Variants in BACH2 observed in about 807,000 individuals in gnomAD.
BACH2 encodes the protein BACH transcriptional regulator 2, also known as transcription regulator protein BACH2.
BACH2 carries 5 observed loss-of-function variants against 61.8 expected under a neutral mutation model. The observed-to-expected ratio is 0.08, with a 90% CI of 0.04 to 0.17. BACH2 has a LOEUF of 0.17. Ranked by LOEUF, BACH2 falls within the 10% of genes least tolerant of loss-of-function variation. The pLI is 1.00. For synonymous variants in BACH2, 446 were observed against 440.1 expected, an observed-to-expected ratio of 1.01 and a Z score of -0.17; for missense variants, 824 against 1,091.1, an observed-to-expected ratio of 0.76 and a Z score of 3.45.
intron 6 of BACH2, among the ~76,000 whole-genome samples, chr6:89,988,480 C>A (rs927116552): frequency 6.6e-6 from 1 of 152,148 alleles, no homozygotes; most frequent in Non-Finnish European, 1.5e-5. Context: ...ATTCTATACA[C>A]CCTAAAATGG....
intron 4 of BACH2, among the ~76,000 whole-genome samples, chr6:90,138,662 A>G (rs1422551818): frequency 6.6e-6 from 1 of 152,168 alleles, no homozygotes; most frequent in Non-Finnish European, 1.5e-5. Flanking sequence ...ACTGAGGCGA[A>G]TTCATTAAAT....
chr6:90,295,330 C>T (rs1582576930), intron 1 of BACH2, among the ~76,000 whole-genome samples: 1 of 152,338 alleles, frequency 6.6e-6, no homozygotes, highest in East Asian at 1.9e-4. Flanking sequence ...GCCCGCGACC[C>T]CAGAAGCCAG....
At chr6:90,133,244 T>C (rs1784137757) in intron 4 of BACH2, among the ~76,000 whole-genome samples, 1 of 152,228 alleles carries the variant, frequency 6.6e-6, no homozygotes, top group African/African-American at 2.4e-5. Context: ...CTTATTTTTA[T>C]CTGTGTCCTA....
intron 6 of BACH2, among the ~76,000 whole-genome samples, chr6:89,962,153 T>G (rs1451857252): frequency 6.6e-6 from 1 of 152,152 alleles, no homozygotes; most frequent in Non-Finnish European, 1.5e-5. Flanking sequence ...TGAAAGATTT[T>G]GACCATAGCA....
chr6:90,167,472 C>T (rs1331833941), intron 4 of BACH2, among the ~76,000 whole-genome samples: 2 of 152,180 alleles, frequency 1.3e-5, no homozygotes, highest in African/African-American at 4.8e-5. Context: ...TCTCCTGCTT[C>T]AGCCTCTCAA....
rs535014348 is a variant in BACH2, at chr6:89,926,625, T to C, written c.*5783A>G. The C allele has an allele frequency of 1.3e-5, 2 of 152,868 alleles. No homozygotes were observed. The highest frequency in any genetic ancestry group is 6.5e-5 in the Admixed American group (1 of 15,300). 9.5% of individuals were successfully genotyped at this position (152,868 alleles called of 1,614,324 possible). A position where few individuals can be genotyped will look rare whatever the true frequency, so the allele number is the denominator to read the frequency against. Reference sequence around the variant, plus strand: ...ACTAGCAATTCAATTGAGTGAAAACTTTTTTTGCACAATAGTGTATTTACA... The same window carrying C: ...ACTAGCAATTCAATTGAGTGAAAACCTTTTTTGCACAATAGTGTATTTACA... On this transcript the variant is annotated 3_prime_UTR_variant, in exon 9 of 9. Coordinates refer to ENST00000257749, the MANE Select transcript of BACH2 (RefSeq NM_021813.4).
At chr6:89,974,747 T>C (rs986916626) in intron 6 of BACH2, among the ~76,000 whole-genome samples, 6 of 152,360 alleles carry the variant, frequency 3.9e-5, no homozygotes, top group Middle Eastern at 3.4e-3. Flanking sequence ...TAGAGGTATA[T>C]GGGCTCCAGC....
chr6:89,930,162 C>T lies in BACH2; in HGVS notation c.*2246G>A, dbSNP rs1191232374. On this transcript the variant is annotated 3_prime_UTR_variant, in exon 9 of 9. Transcript: ENST00000257749. ...ACACACACACACACACACACACACA[C>T]ACAAACAAGAAAAAACAAAAACCCA... 7.2e-6 allele frequency: 1 copy of T among 139,698 alleles called. No homozygotes were observed. The highest frequency in any genetic ancestry group is 1.6e-5 in the Non-Finnish European group (1 of 64,448). 8.7% of individuals were successfully genotyped at this position (139,698 alleles called of 1,614,324 possible).
At chr6:89,964,955 G>C (rs62408177) in intron 6 of BACH2, among the ~76,000 whole-genome samples, 590 of 151,978 alleles carry the variant, frequency 3.9e-3, no homozygotes, top group African/African-American at 0.013. Flanking sequence ...GCACAATCTC[G>C]GCTAACTGCA....
At chr6:89,975,586 C>T (rs186125663) in intron 6 of BACH2, among the ~76,000 whole-genome samples, 88 of 152,242 alleles carry the variant, frequency 5.8e-4, no homozygotes, top group African/African-American at 1.9e-3. Context: ...TCTGCCTGGC[C>T]GCTGTCTGGT....
intron 4 of BACH2, among the ~76,000 whole-genome samples, chr6:90,102,839 T>TAATAA (rs751278080): frequency 1.6e-5 from 2 of 122,220 alleles, no homozygotes; most frequent in Admixed American, 8.7e-5. Context: ...ATAATAATAA[T>TAATAA]AAAAATAAAA....
In BACH2 at chr6:89,950,949, G is replaced by T. The variant is rs780888286; in HGVS notation, c.1157C>A (p.Thr386Asn). ...CTGTCCATAATTCCCTGTGAAAGGGGTGTAGTCAGTTTTAAGGTCACCCTG... is the reference window on the plus strand; with the variant it reads ...CTGTCCATAATTCCCTGTGAAAGGGTTGTAGTCAGTTTTAAGGTCACCCTG... The part of the protein sequence containing the change: ...ITQGDLKTDY[T>N]PFTGNYGQPH... The change falls in exon 7 of 9, where the codon ACC (threonine) becomes AAC (asparagine). Residue 386 changes from threonine (T) to asparagine (N), a missense_variant. Physicochemically the swap from Thr to Asn is moderately conservative, Grantham distance 65 (BLOSUM62 0). Transcript: ENST00000257749. The surrounding 1 kb of genome is among the most constrained non-coding windows in gnomAD (Gnocchi z 5.3). The T allele has an allele frequency of 1.9e-6, 3 of 1,572,518 alleles. No homozygotes were observed. The highest frequency in any genetic ancestry group is 2.7e-5 in the African/African-American group (2 of 73,826).
Position 90,293,475 on chromosome 6 carries a change from G to A in BACH2, c.-446+3005C>T, listed in dbSNP as rs548813996. Among the ~76,000 whole-genome samples, 42 of 152,350 alleles carry A rather than the reference G, an allele frequency of 2.8e-4. No individual in the cohort carries two copies. In the South Asian group the frequency reaches 6.4e-3, roughly 23 times the overall value. On this transcript the variant is annotated intron_variant, in intron 1 of 8. Coordinates refer to ENST00000257749, the MANE Select transcript of BACH2 (RefSeq NM_021813.4). ...TTGAGCCCTTTTGTTGGCATCACAGGAGCCTCGATTAGGAATTCTGAGAAA... is the reference window on the plus strand; with the variant it reads ...TTGAGCCCTTTTGTTGGCATCACAGAAGCCTCGATTAGGAATTCTGAGAAA...
intron 4 of BACH2, among the ~76,000 whole-genome samples, chr6:90,101,977 G>A (rs1393492199): frequency 6.6e-6 from 1 of 152,014 alleles, no homozygotes; most frequent in Non-Finnish European, 1.5e-5. Context: ...ATTGATTTTT[G>A]TAGACTGAAC....
At chr6:90,035,479 T>C (rs1779216831) in intron 5 of BACH2, among the ~76,000 whole-genome samples, 2 of 152,172 alleles carry the variant, frequency 1.3e-5, no homozygotes, top group Non-Finnish European at 2.9e-5. Flanking sequence ...GTAAGACATC[T>C]TGGCTTTACT....
chr6:90,013,710 A>G (rs372348624), intron 5 of BACH2, among the ~76,000 whole-genome samples: 93 of 151,824 alleles, frequency 6.1e-4, no homozygotes, highest in South Asian at 1.5e-3. Flanking sequence ...GGGTTTCACC[A>G]TGTTAGCCAG....
intron 5 of BACH2, among the ~76,000 whole-genome samples, chr6:90,052,504 C>G (rs1016393120): frequency 2.2e-4 from 34 of 152,164 alleles, no homozygotes; most frequent in African/African-American, 8.0e-4. Flanking sequence ...ACTGCAACCT[C>G]CGTCTCCTGG....
intron 3 of BACH2, among the ~76,000 whole-genome samples, chr6:90,217,044 C>T (rs1769561581): frequency 6.6e-6 from 1 of 152,084 alleles, no homozygotes; most frequent in Non-Finnish European, 1.5e-5. Context: ...AACTTGGGGT[C>T]CCCAAAATGT....
At chr6:90,119,567 G>T (rs1382954614) in intron 4 of BACH2, among the ~76,000 whole-genome samples, 1 of 151,940 alleles carries the variant, frequency 6.6e-6, no homozygotes, top group African/African-American at 2.4e-5. Flanking sequence ...AACAGCTGCA[G>T]AAACAAACTT....
Sources: gnomAD v4.1 joint callset for allele counts (sites outside exome capture counted in the v4.1 genomes callset) on GRCh38, gnomAD v4.1.1 for gene constraint, Gnocchi (gnomAD v3.1) non-coding constraint, MANE v1.5 for transcripts, NCBI Gene and HGNC (gene_info 2026-07-23, HGNC 2026-07-21) for gene names.